Variants in P2RY12 observed in about 807,000 individuals in gnomAD.
P2RY12 encodes P2Y purinoceptor 12.
In P2RY12, 3 loss-of-function variants were observed where a neutral mutation model predicts 4.5. That is an observed-to-expected ratio of 0.67 (90% confidence interval 0.31 to 1.74). The LOEUF is 1.74. P2RY12 is among the 40% of genes most tolerant of loss of function. The pLI is 0.09. For synonymous variants in P2RY12, 148 were observed against 154.1 expected, an observed-to-expected ratio of 0.96 and a Z score of 0.29; for missense variants, 356 against 407.8, an observed-to-expected ratio of 0.87 and a Z score of 1.09.
chr3:151,360,375 T>C, intron 1 of P2RY12: 1 of 1,102,148 alleles, frequency 9.1e-7, no homozygotes, highest in Non-Finnish European at 1.3e-6. Flanking sequence ...ATATCCTTTT[T>C]CTTACCCAAG....
chr3:151,375,849 C>G (rs997927263), intron 1 of P2RY12, among the ~76,000 whole-genome samples: 1 of 151,790 alleles, frequency 6.6e-6, no homozygotes, highest in African/African-American at 2.4e-5. Flanking sequence ...TTTTAGAAGC[C>G]AAAATGCTAA....
At chr3:151,370,544 G>A (rs1360666661) in intron 1 of P2RY12, among the ~76,000 whole-genome samples, 1 of 152,176 alleles carries the variant, frequency 6.6e-6, no homozygotes, top group African/African-American at 2.4e-5. Context: ...GGGAGGTAGA[G>A]CCACGTCAAG....
At chr3:151,379,375 G>C (rs1711823490) in intron 1 of P2RY12, among the ~76,000 whole-genome samples, 2 of 152,202 alleles carry the variant, frequency 1.3e-5, no homozygotes, top group Non-Finnish European at 2.9e-5. Context: ...TAAGAAATTT[G>C]TCTTTCCAAC....
chr3:151,383,838 G>C (rs765203353), intron 1 of P2RY12: 1 of 1,614,044 alleles, frequency 6.2e-7, no homozygotes, highest in East Asian at 2.2e-5. Context: ...ACTGGGCCCT[G>C]CTACTCCTTC....
intron 1 of P2RY12, among the ~76,000 whole-genome samples, chr3:151,365,613 A>G (rs1755176975): frequency 6.6e-6 from 1 of 152,192 alleles, no homozygotes; most frequent in Non-Finnish European, 1.5e-5. Flanking sequence ...AAATATTCTA[A>G]TTCGTGTATG....
At chr3:151,342,485 T>A (rs556441091) in intron 1 of P2RY12, among the ~76,000 whole-genome samples, 1 of 152,184 alleles carries the variant, frequency 6.6e-6, no homozygotes, top group African/African-American at 2.4e-5. Flanking sequence ...AAATGCACAT[T>A]TTTGGGCACC....
chr3:151,376,865 G>GA (rs1483758053), intron 1 of P2RY12: 1 of 1,613,982 alleles, frequency 6.2e-7, no homozygotes. Flanking sequence ...AACAGTGCTT[G>GA]AAGGACCCTG....
intron 1 of P2RY12, among the ~76,000 whole-genome samples, chr3:151,348,659 A>G (rs1401068516): frequency 6.6e-6 from 1 of 151,978 alleles, no homozygotes; most frequent in Non-Finnish European, 1.5e-5. Context: ...GGCAGGGCAT[A>G]TAAATGTTTA....
intron 1 of P2RY12, among the ~76,000 whole-genome samples, chr3:151,344,199 G>A (rs1043770332): frequency 6.6e-6 from 1 of 151,850 alleles, no homozygotes; most frequent in Non-Finnish European, 1.5e-5. Context: ...TCATACTGTG[G>A]ACTATAAGCT....
intron 2 of P2RY12, among the ~76,000 whole-genome samples, chr3:151,340,120 C>T (rs1464508427): frequency 2.0e-5 from 3 of 152,076 alleles, no homozygotes; most frequent in African/African-American, 4.8e-5. Flanking sequence ...ACCTATTTAG[C>T]GCTTTAAAAT....
intron 1 of P2RY12, among the ~76,000 whole-genome samples, chr3:151,346,305 A>G (rs1014365977): frequency 3.9e-5 from 6 of 152,016 alleles, no homozygotes; most frequent in African/African-American, 1.4e-4. Flanking sequence ...GATTTCTACT[A>G]TGGAAATTTG....
At chr3:151,375,351 A>T (rs1482174492) in intron 1 of P2RY12, among the ~76,000 whole-genome samples, 1 of 152,154 alleles carries the variant, frequency 6.6e-6, no homozygotes, top group Non-Finnish European at 1.5e-5. Flanking sequence ...ATGATTTCTT[A>T]CTTTATTTAG....
intron 1 of P2RY12, chr3:151,376,739 A>T: frequency 2.2e-6 from 3 of 1,340,886 alleles, no homozygotes; most frequent in Non-Finnish European, 3.2e-6. Flanking sequence ...TACTGTAAGA[A>T]ATTACTGTAT....
In P2RY12 at chr3:151,346,944, T is replaced by A. The variant is rs146405978; in HGVS notation, c.-179-6184A>T. 3.8e-4 allele frequency among the ~76,000 whole-genome samples: 58 copies of A among 152,306 alleles called. 1 individual carries two copies. The highest frequency in any genetic ancestry group is 3.4e-3 in the Middle Eastern group (1 of 294). On this transcript the variant is annotated intron_variant, in intron 1 of 2. Coordinates refer to ENST00000302632, the MANE Select transcript of P2RY12 (RefSeq NM_022788.5). ...AATTTTTTATACATTGTAAATAGATTAATAATAATTACTTGGTAATATAAA... is the reference window on the plus strand; with the variant it reads ...AATTTTTTATACATTGTAAATAGATAAATAATAATTACTTGGTAATATAAA...
At chr3:151,357,652 G>A (rs1754094221) in intron 1 of P2RY12, among the ~76,000 whole-genome samples, 1 of 152,030 alleles carries the variant, frequency 6.6e-6, no homozygotes. Context: ...AGCACTCTAC[G>A]GTTAATGTTG....
chr3:151,361,731 T>G (rs1430944043), intron 1 of P2RY12, among the ~76,000 whole-genome samples: 2 of 152,290 alleles, frequency 1.3e-5, no homozygotes, highest in East Asian at 3.9e-4. Flanking sequence ...TGCTTTGCTC[T>G]TGAAATCACC....
intron 1 of P2RY12, among the ~76,000 whole-genome samples, chr3:151,347,857 T>C (rs1159126570): frequency 1.3e-5 from 2 of 152,008 alleles, no homozygotes; most frequent in Admixed American, 1.3e-4. Context: ...TTTAGAAAGG[T>C]TTATTATTCG....
At chr3:151,367,723 G>A (rs771239917) in intron 1 of P2RY12, 4 of 1,611,504 alleles carry the variant, frequency 2.5e-6, no homozygotes, top group Non-Finnish European at 3.4e-6. Context: ...TTTCCCTGGA[G>A]GACGTCGTGC....
intron 1 of P2RY12, among the ~76,000 whole-genome samples, chr3:151,362,993 T>C (rs1442616819): frequency 1.3e-5 from 2 of 152,166 alleles, no homozygotes; most frequent in Non-Finnish European, 2.9e-5. Flanking sequence ...GTTTTTTTAA[T>C]AGTGAACTTC....
Sources: gnomAD v4.1 joint callset for allele counts (sites outside exome capture counted in the v4.1 genomes callset) on GRCh38, gnomAD v4.1.1 for gene constraint, MANE v1.5 for transcripts, NCBI Gene and HGNC (gene_info 2026-07-23, HGNC 2026-07-21) for gene names.